The following ATRNL1 variants were observed in gnomAD, a reference collection of about 807,000 sequenced individuals.
ATRNL1 encodes attractin like 1, also known as attractin-like protein 1.
A neutral mutation model predicts 182.7 loss-of-function variants in ATRNL1; 95 were observed. That is an observed-to-expected ratio of 0.52 (90% CI 0.44 to 0.62). ATRNL1 has a LOEUF of 0.62. ATRNL1 is among the 20% of genes least tolerant of loss of function. The pLI, the probability that ATRNL1 is intolerant of heterozygous loss-of-function variation, is 0.00. For missense variants in ATRNL1, 1,471 were observed against 1,679.5 expected (o/e 0.88, Z 2.17); for synonymous variants, 576 against 568.3 (o/e 1.01, Z -0.19).
At chr10:115,286,729 G>C (rs1471058604) in intron 15 of ATRNL1, among the ~76,000 whole-genome samples, 1 of 151,852 alleles carries the variant, frequency 6.6e-6, no homozygotes, top group African/African-American at 2.4e-5. Flanking sequence ...AAACTTTTCA[G>C]AGCAATTATA....
intron 18 of ATRNL1, among the ~76,000 whole-genome samples, chr10:115,318,448 G>T (rs1418199231): frequency 6.6e-6 from 1 of 152,144 alleles, no homozygotes; most frequent in Non-Finnish European, 1.5e-5. Context: ...GTTTGGAATA[G>T]TTTCAGCAGG....
chr10:115,719,906 G>C (rs1555057349), intron 26 of ATRNL1, among the ~76,000 whole-genome samples: 1 of 143,836 alleles, frequency 7.0e-6, no homozygotes, highest in African/African-American at 2.6e-5. Context: ...TTTTGCCCCA[G>C]GCTGGAGTGC....
intron 24 of ATRNL1, among the ~76,000 whole-genome samples, chr10:115,472,997 G>A (rs1429964868): frequency 4.6e-5 from 7 of 151,024 alleles, no homozygotes; most frequent in Non-Finnish European, 1.0e-4. Context: ...GTTCTTTATT[G>A]TGTTGAGGTA....
chr10:115,640,030 C>T (rs1335467634), intron 26 of ATRNL1, among the ~76,000 whole-genome samples: 1 of 151,924 alleles, frequency 6.6e-6, no homozygotes, highest in African/African-American at 2.4e-5. Flanking sequence ...TCGAACATCC[C>T]GTGTTTGGTT....
chr10:115,863,155 A>G (rs1951354329), intron 28 of ATRNL1, among the ~76,000 whole-genome samples: 1 of 152,200 alleles, frequency 6.6e-6, no homozygotes, highest in African/African-American at 2.4e-5. Context: ...ACACTTTTGT[A>G]TATAACTCTG....
chr10:115,336,123 A>G (rs782772285), intron 19 of ATRNL1, among the ~76,000 whole-genome samples: 4 of 152,218 alleles, frequency 2.6e-5, no homozygotes, highest in Non-Finnish European at 5.9e-5. Context: ...TTACATGTGG[A>G]CACAAATATT....
intron 24 of ATRNL1, among the ~76,000 whole-genome samples, chr10:115,481,765 GT>G (rs1329106522): frequency 6.6e-6 from 1 of 150,642 alleles, no homozygotes; most frequent in Non-Finnish European, 1.5e-5. Context: ...AGGATATTTT[GT>G]TTTAGCTCTA....
At chr10:115,825,059 C>T (rs1950396195) in intron 27 of ATRNL1, among the ~76,000 whole-genome samples, 2 of 152,090 alleles carry the variant, frequency 1.3e-5, no homozygotes, top group South Asian at 4.2e-4. Flanking sequence ...ACTATGCAGT[C>T]ATAAAAAAGG....
At chr10:115,723,197 G>T (rs1947484625) in intron 26 of ATRNL1, among the ~76,000 whole-genome samples, 1 of 152,174 alleles carries the variant, frequency 6.6e-6, no homozygotes, top group Non-Finnish European at 1.5e-5. Flanking sequence ...TCATTTCAAA[G>T]TTGAGGTGAG....
At chr10:115,272,110 G>A (rs945600993) in intron 13 of ATRNL1, among the ~76,000 whole-genome samples, 1 of 152,138 alleles carries the variant, frequency 6.6e-6, no homozygotes, top group Non-Finnish European at 1.5e-5. Context: ...GTTCCCTGAG[G>A]CCTCTGCAGA....
chr10:115,451,364 C>T (rs527283491), intron 21 of ATRNL1, among the ~76,000 whole-genome samples: 1 of 152,048 alleles, frequency 6.6e-6, no homozygotes, highest in Non-Finnish European at 1.5e-5. Context: ...GCAAACTATG[C>T]GTCTATCAAA....
At chr10:115,272,518 T>A (rs542845330) in intron 13 of ATRNL1, among the ~76,000 whole-genome samples, 20 of 152,296 alleles carry the variant, frequency 1.3e-4, no homozygotes, top group African/African-American at 4.8e-4. Context: ...AATTAAGACA[T>A]CTAGGTCAGC....
intron 1 of ATRNL1, among the ~76,000 whole-genome samples, chr10:115,114,015 C>T (rs1328812079): frequency 6.6e-6 from 1 of 151,540 alleles, no homozygotes; most frequent in Non-Finnish European, 1.5e-5. Context: ...TTAGTCATCT[C>T]ATAGTTATTA....
intron 8 of ATRNL1, among the ~76,000 whole-genome samples, chr10:115,189,629 G>A (rs1848091961): frequency 6.6e-6 from 1 of 152,068 alleles, no homozygotes; most frequent in Non-Finnish European, 1.5e-5. Flanking sequence ...TTTTATAGCT[G>A]TAAAATATGT....
At chr10:115,226,370 A>G (rs972179169) in intron 9 of ATRNL1, among the ~76,000 whole-genome samples, 3 of 152,070 alleles carry the variant, frequency 2.0e-5, no homozygotes, top group Non-Finnish European at 4.4e-5. Context: ...ATGGAATTTG[A>G]GTAGTTTTAT....
intron 15 of ATRNL1, among the ~76,000 whole-genome samples, chr10:115,294,648 T>C (rs868988614): frequency 4.6e-5 from 7 of 152,222 alleles, no homozygotes; most frequent in Non-Finnish European, 7.3e-5. Flanking sequence ...TATCATGTTT[T>C]CTTTGCTTTT....
At chr10:115,528,039 T>C (rs1265160591) in intron 25 of ATRNL1, among the ~76,000 whole-genome samples, 3 of 43,444 alleles carry the variant, frequency 6.9e-5, no homozygotes, top group Admixed American at 2.5e-4. Flanking sequence ...CCTTCCTTTC[T>C]TCCTTCCTTC....
chr10:115,208,710 C>T (rs568567493), intron 8 of ATRNL1, among the ~76,000 whole-genome samples: 8 of 151,976 alleles, frequency 5.3e-5, no homozygotes, highest in Non-Finnish European at 1.2e-4. Flanking sequence ...TTTTCTTGGT[C>T]CTTTCCATAG....
intron 28 of ATRNL1, among the ~76,000 whole-genome samples, chr10:115,886,391 G>A (rs1300149295): frequency 2.6e-5 from 4 of 152,178 alleles, no homozygotes; most frequent in Non-Finnish European, 4.4e-5. Context: ...GCGCATGCCT[G>A]TAATCCCAGC....
Sources: gnomAD v4.1 joint callset for allele counts (sites outside exome capture counted in the v4.1 genomes callset) on GRCh38, gnomAD v4.1.1 for gene constraint, MANE v1.5 for transcripts, NCBI Gene and HGNC (gene_info 2026-07-23, HGNC 2026-07-21) for gene names.